TIAM1: variants seen among roughly 807,000 people sequenced by gnomAD.
The protein encoded by TIAM1 is TIAM Rac1 associated GEF 1.
A neutral mutation model predicts 163.5 loss-of-function variants in TIAM1; 65 were observed. The ratio of observed to expected loss-of-function variants is 0.40; its 90% CI spans 0.33 to 0.49. TIAM1 has a LOEUF of 0.49. Ranked by LOEUF, TIAM1 falls within the 20% of genes least tolerant of loss-of-function variation. The pLI, the probability that TIAM1 is intolerant of heterozygous loss-of-function variation, is 0.77. For synonymous variants in TIAM1, 833 were observed against 810.1 expected, an observed-to-expected ratio of 1.03 and a Z score of -0.48; for missense variants, 1,789 against 2,044.7, an observed-to-expected ratio of 0.87 and a Z score of 2.41.
intron 4 of TIAM1, among the ~76,000 whole-genome samples, chr21:31,255,147 C>A (rs1305760415): frequency 6.6e-6 from 1 of 152,212 alleles, no homozygotes; most frequent in East Asian, 1.9e-4. Flanking sequence ...GGTAAAAGAC[C>A]TGCGGGCCCC....
intron 2 of TIAM1, among the ~76,000 whole-genome samples, chr21:31,326,922 G>A (rs1002212103): frequency 2.0e-5 from 3 of 152,182 alleles, no homozygotes; most frequent in Non-Finnish European, 2.9e-5. Flanking sequence ...TTTACCACAC[G>A]CCACTTAAAA....
At chr21:31,519,194 A>G (rs1214133339) in intron 1 of TIAM1, among the ~76,000 whole-genome samples, 3 of 151,660 alleles carry the variant, frequency 2.0e-5, no homozygotes, top group African/African-American at 7.3e-5. Context: ...AATCTCAGCT[A>G]CTCAGGAGGC....
chr21:31,497,876 A>C (rs1466648685), intron 1 of TIAM1, among the ~76,000 whole-genome samples: 1 of 152,160 alleles, frequency 6.6e-6, no homozygotes, highest in Non-Finnish European at 1.5e-5. Context: ...GCTTGGAAAA[A>C]CATGTTCTAT....
intron 15 of TIAM1, among the ~76,000 whole-genome samples, chr21:31,166,184 G>C (rs1219780377): frequency 2.0e-5 from 3 of 152,110 alleles, no homozygotes; most frequent in African/African-American, 7.2e-5. Context: ...GACCACACTT[G>C]GAATAGAAAG....
chr21:31,509,940 C>A (rs1246263070), intron 1 of TIAM1, among the ~76,000 whole-genome samples: 1 of 152,132 alleles, frequency 6.6e-6, no homozygotes. Context: ...AGTGCCCAGG[C>A]AGAAAAGACA....
rs529642771 is a variant in TIAM1 at position 31,552,291 on chromosome 21, C to A, written c.-422+6636G>T. On this transcript the variant is annotated intron_variant, in intron 1 of 28. Coordinates refer to the TIAM1 transcript ENST00000286827. The stretch of plus-strand genomic sequence containing the variant: ...ATTTTTACAATCAAATCGAACTTTG[C>A]ATTACTTGAGTCGAAGTATCTGCAT... Among the ~76,000 whole-genome samples, 5 of 152,124 alleles carry A rather than the reference C, an allele frequency of 3.3e-5. 2 individuals are homozygous for A. Among genetic ancestry groups the A allele is most frequent in the African/African-American group, 1.2e-4 (5 of 41,500 alleles).
intron 1 of TIAM1, among the ~76,000 whole-genome samples, chr21:31,527,785 G>A (rs151095478): frequency 6.6e-6 from 1 of 152,154 alleles, no homozygotes; most frequent in East Asian, 1.9e-4. Context: ...TCCTCAGTGT[G>A]TCCCAGTCTC....
At chr21:31,321,535 A>G (rs549158494) in intron 2 of TIAM1, among the ~76,000 whole-genome samples, 7 of 93,682 alleles carry the variant, frequency 7.5e-5, no homozygotes, top group African/African-American at 2.6e-4. Context: ...TATTTTTAGT[A>G]GAGATGGGGT....
chr21:31,484,759 C>T (rs2046219404), intron 1 of TIAM1, among the ~76,000 whole-genome samples: 2 of 152,206 alleles, frequency 1.3e-5, no homozygotes, highest in South Asian at 4.1e-4. Flanking sequence ...CCCAGTACAG[C>T]CAGTGCTGTG....
intron 1 of TIAM1, among the ~76,000 whole-genome samples, chr21:31,544,970 G>A (rs146381020): frequency 6.1e-4 from 93 of 152,152 alleles, no homozygotes; most frequent in African/African-American, 2.2e-3. Context: ...CCAAGATCAC[G>A]CCACTGTACT....
chr21:31,172,305 GT>G (rs146481809), intron 15 of TIAM1, among the ~76,000 whole-genome samples: 113 of 148,376 alleles, frequency 7.6e-4, no homozygotes, highest in Non-Finnish European at 1.4e-3. Flanking sequence ...AAGTTTGTTT[GT>G]TTTTTTTTTA....
intron 20 of TIAM1, among the ~76,000 whole-genome samples, chr21:31,146,509 G>A (rs1339390931): frequency 1.4e-5 from 2 of 145,862 alleles, no homozygotes; most frequent in African/African-American, 2.5e-5. Flanking sequence ...TCAGGAGTTC[G>A]AGACCAGCCT....
intron 15 of TIAM1, among the ~76,000 whole-genome samples, chr21:31,179,523 C>A (rs1380837557): frequency 6.6e-6 from 1 of 151,030 alleles, no homozygotes; most frequent in Non-Finnish European, 1.5e-5. Context: ...AAAATATCAG[C>A]TCCGAGTTAT....
At chr21:31,528,150 G>A (rs563959450) in intron 1 of TIAM1, among the ~76,000 whole-genome samples, 25 of 152,234 alleles carry the variant, frequency 1.6e-4, no homozygotes, top group East Asian at 1.9e-4. Flanking sequence ...GGGGGATGCC[G>A]ATCAATGAAA....
chr21:31,184,325 G>C (rs748312787), intron 14 of TIAM1, among the ~76,000 whole-genome samples: 3 of 152,066 alleles, frequency 2.0e-5, no homozygotes, highest in Admixed American at 6.5e-5. Flanking sequence ...AGGCTGGTCT[G>C]GAACTCCTCA....
upstream of TIAM1, among the ~76,000 whole-genome samples, chr21:31,344,452 T>C (rs914953962): frequency 1.3e-5 from 2 of 152,136 alleles, no homozygotes; most frequent in Non-Finnish European, 2.9e-5. Flanking sequence ...GGGCAATGTA[T>C]TTCGAAAAGG....
intron 2 of TIAM1, among the ~76,000 whole-genome samples, chr21:31,338,440 G>A (rs1017195359): frequency 4.6e-5 from 7 of 152,154 alleles, no homozygotes; most frequent in African/African-American, 4.8e-5. Context: ...GTTTGTCCAC[G>A]AGAGGAAGGC....
intron 2 of TIAM1, among the ~76,000 whole-genome samples, chr21:31,392,596 C>T (rs986043478): frequency 7.8e-5 from 11 of 140,874 alleles, no homozygotes; most frequent in African/African-American, 2.9e-4. Flanking sequence ...AAAAAAAAGT[C>T]GAAAATGATC....
At chr21:31,529,256 C>T (rs1341135632) in intron 1 of TIAM1, among the ~76,000 whole-genome samples, 1 of 151,766 alleles carries the variant, frequency 6.6e-6, no homozygotes, top group Non-Finnish European at 1.5e-5. Context: ...ATACTTGAGT[C>T]CAATGGGGAA....
Sources: gnomAD v4.1 joint callset for allele counts (sites outside exome capture counted in the v4.1 genomes callset) on GRCh38, gnomAD v4.1.1 for gene constraint, MANE v1.5 for transcripts, NCBI Gene and HGNC (gene_info 2026-07-23, HGNC 2026-07-21) for gene names.